Variants in AFG2A observed in about 807,000 individuals in gnomAD.
AFG2A encodes the protein ATPase family gene 2 protein homolog A.
the AFG2A span, among the ~76,000 whole-genome samples, chr4:123,255,139 T>C: frequency 6.6e-6 from 1 of 152,016 alleles, no homozygotes; most frequent in Non-Finnish European, 1.5e-5. Context: ...AATTTTTGTA[T>C]TTTTTTGTAG....
the AFG2A span, among the ~76,000 whole-genome samples, chr4:123,129,432 A>T: frequency 6.6e-6 from 1 of 152,186 alleles, no homozygotes; most frequent in African/African-American, 2.4e-5. Context: ...GCTGCAAGAG[A>T]GGCTGTAAAA....
chr4:122,935,034 T>C, the AFG2A span, among the ~76,000 whole-genome samples: 2 of 152,342 alleles, frequency 1.3e-5, no homozygotes, highest in South Asian at 4.1e-4. Context: ...TCATCTGTAA[T>C]GACTGAAGGG....
the AFG2A span, among the ~76,000 whole-genome samples, chr4:123,202,020 T>A: frequency 6.6e-6 from 1 of 152,234 alleles, no homozygotes; most frequent in Admixed American, 6.5e-5. Context: ...TTGAAAAATG[T>A]AATAGGACTG....
At chr4:123,258,632 T>A in the AFG2A span, among the ~76,000 whole-genome samples, 2 of 152,074 alleles carry the variant, frequency 1.3e-5, no homozygotes, top group African/African-American at 4.8e-5. Context: ...CAATTTATTG[T>A]CCTCACAAGA....
the AFG2A span, among the ~76,000 whole-genome samples, chr4:123,287,390 G>C: frequency 2.0e-5 from 3 of 152,132 alleles, no homozygotes; most frequent in Admixed American, 2.0e-4. Context: ...AAATTGTGTG[G>C]TTCTGAAGTT....
At chr4:123,125,359 G>A in the AFG2A span, among the ~76,000 whole-genome samples, 4 of 152,130 alleles carry the variant, frequency 2.6e-5, no homozygotes, top group African/African-American at 4.8e-5. Flanking sequence ...ACTTCCTTAT[G>A]TATCCCCATC....
At chr4:123,084,134 A>G in the AFG2A span, among the ~76,000 whole-genome samples, 2 of 152,198 alleles carry the variant, frequency 1.3e-5, no homozygotes, top group East Asian at 3.9e-4. Context: ...TTTAATATAT[A>G]TAGATCTGTA....
At chr4:123,066,250 A>C in the AFG2A span, among the ~76,000 whole-genome samples, 2 of 152,206 alleles carry the variant, frequency 1.3e-5, no homozygotes, top group Admixed American at 1.3e-4. Flanking sequence ...GCATATCCAG[A>C]TTTGAGGTAA....
chr4:123,236,057 T>C, the AFG2A span, among the ~76,000 whole-genome samples: 1 of 152,150 alleles, frequency 6.6e-6, no homozygotes, highest in Non-Finnish European at 1.5e-5. Flanking sequence ...AGTACATAGA[T>C]ACCTAGGAGT....
chr4:123,197,289 C>T, the AFG2A span, among the ~76,000 whole-genome samples: 2 of 152,064 alleles, frequency 1.3e-5, no homozygotes, highest in African/African-American at 4.8e-5. Context: ...TATATTTTTT[C>T]CTTATTCATC....
chr4:123,250,359 G>A, the AFG2A span, among the ~76,000 whole-genome samples: 1 of 152,116 alleles, frequency 6.6e-6, no homozygotes. Context: ...AAACTAACAT[G>A]TTTACAGTAA....
the AFG2A span, among the ~76,000 whole-genome samples, chr4:123,187,679 G>A: frequency 2.0e-5 from 3 of 151,038 alleles, no homozygotes; most frequent in African/African-American, 7.3e-5. Flanking sequence ...GGTTTTTTTT[G>A]TAAGGATATA....
chr4:123,082,395 T>C, the AFG2A span, among the ~76,000 whole-genome samples: 1 of 152,148 alleles, frequency 6.6e-6, no homozygotes, highest in African/African-American at 2.4e-5. Flanking sequence ...CCATCTTTGC[T>C]CCCTTGTATT....
chr4:122,971,448 A>G, the AFG2A span, among the ~76,000 whole-genome samples: 4 of 152,164 alleles, frequency 2.6e-5, no homozygotes, highest in African/African-American at 9.7e-5. Flanking sequence ...TGTGTATGTA[A>G]GTTCTTTTGA....
chr4:123,075,988 C>CA, the AFG2A span, among the ~76,000 whole-genome samples: 20,092 of 133,952 alleles, frequency 0.15, 1,616 homozygotes, highest in South Asian at 0.39. Flanking sequence ...AAAAAAAAAA[C>CA]AAAAAAAAAA....
the AFG2A span, among the ~76,000 whole-genome samples, chr4:123,121,248 TA>T: frequency 3.1e-4 from 22 of 71,596 alleles, no homozygotes; most frequent in Non-Finnish European, 5.7e-4. Context: ...AGTCAAAAAG[TA>T]AAAAAAAAAA....
At chr4:123,022,145 A>C in the AFG2A span, among the ~76,000 whole-genome samples, 1 of 152,060 alleles carries the variant, frequency 6.6e-6, no homozygotes, top group Admixed American at 6.5e-5. Flanking sequence ...TTCATGTCTA[A>C]AACACCGAAA....
the AFG2A span, chr4:122,979,192 A>G: frequency 6.3e-7 from 1 of 1,598,104 alleles, no homozygotes; most frequent in African/African-American, 1.3e-5. Flanking sequence ...GTATTTATGA[A>G]GGAAAAGACA....
At chr4:123,055,277 G>T in the AFG2A span, among the ~76,000 whole-genome samples, 2 of 151,940 alleles carry the variant, frequency 1.3e-5, no homozygotes, top group African/African-American at 2.4e-5. Context: ...TTTCTTCCTG[G>T]GTCTTGATGT....
Sources: gnomAD v4.1 joint callset for allele counts (sites outside exome capture counted in the v4.1 genomes callset) on GRCh38, gnomAD v4.1.1 for gene constraint, MANE v1.5 for transcripts, NCBI Gene and HGNC (gene_info 2026-07-23, HGNC 2026-07-21) for gene names.